The following MACROD2 variants were observed in gnomAD, a reference collection of about 807,000 sequenced individuals.
MACROD2 encodes ADP-ribose glycohydrolase MACROD2.
A neutral mutation model predicts 70.4 loss-of-function variants in MACROD2; 36 were observed. The observed-to-expected ratio is 0.51, with a 90% CI of 0.39 to 0.68. MACROD2 has a LOEUF of 0.68. MACROD2 is among the 30% of genes least tolerant of loss of function. MACROD2 has a pLI of 0.00. For missense variants in MACROD2, 496 were observed against 538.4 expected (o/e 0.92, Z 0.78); for synonymous variants, 172 against 178.8 (o/e 0.96, Z 0.30).
rs75121235 is a variant in MACROD2, at chr20:14,230,576, C to T, written c.271+144848C>T. 1.5e-3 allele frequency among the ~76,000 whole-genome samples: 221 copies of T among 143,884 alleles called. 4 individuals carry two copies. The South Asian group carries it at 0.028, about 18-fold the overall frequency. 94.4% of individuals were successfully genotyped at this position (143,884 alleles called of 152,430 possible). ...ATTTCCTTCACTGAAGTCTTGAAGC[C>T]CTCAAATTCATCCACCAGGCTTGGA... On this transcript the variant is annotated intron_variant, in intron 3 of 17. Transcript: ENST00000684519.
intron 3 of MACROD2, among the ~76,000 whole-genome samples, chr20:14,188,032 T>A (rs2081358420): frequency 6.6e-6 from 1 of 151,528 alleles, no homozygotes; most frequent in Non-Finnish European, 1.5e-5. Flanking sequence ...TGGTAGTTCA[T>A]CCTATAGAAT....
intron 3 of MACROD2, among the ~76,000 whole-genome samples, chr20:14,273,267 A>T (rs1308932161): frequency 6.6e-6 from 1 of 152,168 alleles, no homozygotes; most frequent in Non-Finnish European, 1.5e-5. Flanking sequence ...CAGCAAATTT[A>T]AAAGAACAGA....
chr20:15,480,670 T>A (rs527648305), intron 7 of MACROD2, among the ~76,000 whole-genome samples: 1 of 152,144 alleles, frequency 6.6e-6, no homozygotes, highest in African/African-American at 2.4e-5. Flanking sequence ...GGATGGGACA[T>A]TGGGAGAAAG....
At chr20:14,953,393 G>A (rs188999062) in intron 5 of MACROD2, among the ~76,000 whole-genome samples, 319 of 150,700 alleles carry the variant, frequency 2.1e-3, no homozygotes, top group African/African-American at 6.7e-3. Context: ...TGCAAACTCC[G>A]CCTCCTGGGT....
chr20:15,454,406 AACACACACACACACACACAC>A (rs10523169), intron 7 of MACROD2, among the ~76,000 whole-genome samples: 44,495 of 137,540 alleles, frequency 0.32, 7,830 homozygotes, highest in Non-Finnish European at 0.4. Context: ...GACATATTCA[AACACACACACACACACACAC>A]ACACACACAC....
chr20:15,030,074 C>T (rs2075262792), intron 5 of MACROD2, among the ~76,000 whole-genome samples: 2 of 137,294 alleles, frequency 1.5e-5, no homozygotes, highest in African/African-American at 2.8e-5. Context: ...AGCAAGACTC[C>T]GTCTCCAAAA....
chr20:15,497,752 T>G (rs2047316599), intron 7 of MACROD2, among the ~76,000 whole-genome samples: 2 of 152,188 alleles, frequency 1.3e-5, no homozygotes, highest in African/African-American at 2.4e-5. Context: ...TCAAATATTC[T>G]ATTATTTCCT....
chr20:15,407,321 T>G (rs891125676), intron 6 of MACROD2, among the ~76,000 whole-genome samples: 2 of 152,190 alleles, frequency 1.3e-5, no homozygotes, highest in Non-Finnish European at 2.9e-5. Flanking sequence ...GGAAAAGTTG[T>G]GTTCTACAGA....
intron 4 of MACROD2, among the ~76,000 whole-genome samples, chr20:14,588,389 C>T (rs1361622921): frequency 6.6e-6 from 1 of 152,032 alleles, no homozygotes; most frequent in Non-Finnish European, 1.5e-5. Flanking sequence ...TCTTCTTTAC[C>T]TTAATAGGTC....
chr20:14,629,724 C>A (rs528523244), intron 4 of MACROD2, among the ~76,000 whole-genome samples: 31 of 152,306 alleles, frequency 2.0e-4, no homozygotes, highest in African/African-American at 7.5e-4. Flanking sequence ...GACTGCACTA[C>A]AAAGATGTGC....
At chr20:14,075,515 C>T (rs2053906395) in intron 2 of MACROD2, among the ~76,000 whole-genome samples, 1 of 152,158 alleles carries the variant, frequency 6.6e-6, no homozygotes, top group South Asian at 2.1e-4. Context: ...TTTAGAACTT[C>T]ACTGGCTTCT....
At chr20:15,197,580 T>G (rs930790635) in intron 5 of MACROD2, among the ~76,000 whole-genome samples, 1 of 152,244 alleles carries the variant, frequency 6.6e-6, no homozygotes, top group African/African-American at 2.4e-5. Flanking sequence ...GAGTTTAGAT[T>G]TAATGCTTAT....
At chr20:14,409,402 C>A (rs547689857) in intron 3 of MACROD2, among the ~76,000 whole-genome samples, 1 of 151,246 alleles carries the variant, frequency 6.6e-6, no homozygotes, top group Admixed American at 6.7e-5. Flanking sequence ...ATTTTATCCT[C>A]TCATGAAACC....
intron 8 of MACROD2, among the ~76,000 whole-genome samples, chr20:15,584,836 A>G (rs997098962): frequency 1.2e-4 from 18 of 150,740 alleles, no homozygotes; most frequent in African/African-American, 3.9e-4. Context: ...TTTCCTCCTC[A>G]CCCCTATTTT....
intron 3 of MACROD2, among the ~76,000 whole-genome samples, chr20:14,426,680 C>G (rs752378073): frequency 5.3e-5 from 8 of 152,116 alleles, no homozygotes; most frequent in Non-Finnish European, 1.0e-4. Context: ...CCATATTTTT[C>G]TACTTAGGCA....
intron 3 of MACROD2, among the ~76,000 whole-genome samples, chr20:14,443,145 T>A (rs939279313): frequency 6.6e-6 from 1 of 151,788 alleles, no homozygotes; most frequent in African/African-American, 2.4e-5. Context: ...ACAGAAAACT[T>A]GACATCTGGT....
At chr20:15,825,370 T>G (rs2063985597) in intron 8 of MACROD2, among the ~76,000 whole-genome samples, 1 of 152,198 alleles carries the variant, frequency 6.6e-6, no homozygotes, top group South Asian at 2.1e-4. Flanking sequence ...CACACATAGA[T>G]GCTCTGGTCC....
intron 3 of MACROD2, among the ~76,000 whole-genome samples, chr20:14,408,070 G>A (rs2083710725): frequency 6.6e-6 from 1 of 152,096 alleles, no homozygotes; most frequent in Non-Finnish European, 1.5e-5. Context: ...TAACTTATCT[G>A]TGCCTTAGTA....
intron 4 of MACROD2, among the ~76,000 whole-genome samples, chr20:14,679,655 G>GTA (rs1243145499): frequency 6.6e-6 from 1 of 151,912 alleles, no homozygotes; most frequent in Non-Finnish European, 1.5e-5. Flanking sequence ...ACATATAGGG[G>GTA]TATTACCTTT....
Sources: gnomAD v4.1 joint callset for allele counts (sites outside exome capture counted in the v4.1 genomes callset) on GRCh38, gnomAD v4.1.1 for gene constraint, MANE v1.5 for transcripts, NCBI Gene and HGNC (gene_info 2026-07-23, HGNC 2026-07-21) for gene names.